The following NYAP2 variants were observed in gnomAD, a reference collection of about 807,000 sequenced individuals.
NYAP2 encodes the protein neuronal tyrosine-phosphorylated phosphoinositide-3-kinase adaptor 2, also known as neuronal tyrosine-phosphorylated phosphoinositide-3-kinase adapter 2.
A neutral mutation model predicts 50.4 loss-of-function variants in NYAP2; 23 were observed. That is an observed-to-expected ratio of 0.46 (90% CI 0.33 to 0.65). NYAP2 has a LOEUF of 0.65. Ranked by LOEUF, NYAP2 falls within the 30% of genes least tolerant of loss-of-function variation. The pLI is 0.02. For synonymous variants in NYAP2, 394 were observed against 365.2 expected (o/e 1.08, Z -0.90); for missense variants, 885 against 861.0 (o/e 1.03, Z -0.35).
At chr2:225,510,558 G>A (rs1368757633) in intron 3 of NYAP2, among the ~76,000 whole-genome samples, 1 of 152,146 alleles carries the variant, frequency 6.6e-6, no homozygotes, top group African/African-American at 2.4e-5. Flanking sequence ...TCTTCAATTT[G>A]TTTTGGGCTA....
At chr2:225,605,299 G>A (rs1310925990) in intron 5 of NYAP2, among the ~76,000 whole-genome samples, 1 of 152,038 alleles carries the variant, frequency 6.6e-6, no homozygotes, top group African/African-American at 2.4e-5. Context: ...GAGTGGAAAA[G>A]CTTGTCTTTC....
At chr2:225,461,712 G>A (rs185102608) in intron 3 of NYAP2, among the ~76,000 whole-genome samples, 1 of 152,204 alleles carries the variant, frequency 6.6e-6, no homozygotes, top group Admixed American at 6.5e-5. Flanking sequence ...ATTCTCCATG[G>A]ATTGGAGATA....
chr2:225,424,598 T>C (rs1405166265), intron 3 of NYAP2, among the ~76,000 whole-genome samples: 1 of 152,088 alleles, frequency 6.6e-6, no homozygotes, highest in African/African-American at 2.4e-5. Context: ...TGCATTTACC[T>C]ATATTTACCC....
chr2:225,681,830 TCACAG>T, the NYAP2 span, among the ~76,000 whole-genome samples: 6 of 152,164 alleles, frequency 3.9e-5, no homozygotes, highest in Non-Finnish European at 8.8e-5. Flanking sequence ...TGTTTCTTAT[TCACAG>T]AGCCTCAGTT....
At chr2:225,514,048 AG>A (rs1412366065) in intron 4 of NYAP2, among the ~76,000 whole-genome samples, 8 of 152,220 alleles carry the variant, frequency 5.3e-5, no homozygotes, top group African/African-American at 1.7e-4. Context: ...ATCAAGAAAA[AG>A]CTTATAATCA....
intron 3 of NYAP2, among the ~76,000 whole-genome samples, chr2:225,503,005 G>A (rs1038171617): frequency 6.6e-6 from 1 of 152,084 alleles, no homozygotes; most frequent in African/African-American, 2.4e-5. Flanking sequence ...AGCTAAACCA[G>A]TTATTATACT....
chr2:225,672,503 A>G, the NYAP2 span, among the ~76,000 whole-genome samples: 1 of 152,190 alleles, frequency 6.6e-6, no homozygotes, highest in African/African-American at 2.4e-5. Context: ...CCATATCAGC[A>G]AGAAGGCTGT....
At chr2:225,538,698 T>C (rs2106201829) in intron 4 of NYAP2, among the ~76,000 whole-genome samples, 1 of 152,362 alleles carries the variant, frequency 6.6e-6, no homozygotes, top group Admixed American at 6.5e-5. Flanking sequence ...ATTGGCCTCC[T>C]TGTTACTTAT....
chr2:225,585,656 C>T (rs10168306), intron 5 of NYAP2, among the ~76,000 whole-genome samples: 145,153 of 152,296 alleles, frequency 0.95, 69,272 homozygotes, highest in Middle Eastern at 0.99. Context: ...TTTTACTTTA[C>T]GTAAATGGAA....
chr2:225,425,882 T>C lies in NYAP2; in HGVS notation c.221+16781T>C, dbSNP rs1473409859. Among the ~76,000 whole-genome samples, 8 of 152,136 alleles carry C rather than the reference T, an allele frequency of 5.3e-5. No homozygotes were observed. The South Asian group carries it at 1.4e-3, about 28-fold the overall frequency. ...CATACATGTCATATAAGTGTATTAT[T>C]TTCAGTTTGATGACTGGATTGTGAA... On this transcript the variant is annotated intron_variant, in intron 3 of 6. Transcript: ENST00000636099.
chr2:225,437,928 CA>C (rs903044359), intron 3 of NYAP2, among the ~76,000 whole-genome samples: 7 of 152,186 alleles, frequency 4.6e-5, no homozygotes, highest in African/African-American at 1.4e-4. Context: ...CAGACCAGAT[CA>C]TGATAAAGCT....
chr2:225,620,712 G>A (rs1693084139), intron 5 of NYAP2, among the ~76,000 whole-genome samples: 1 of 151,900 alleles, frequency 6.6e-6, no homozygotes, highest in African/African-American at 2.4e-5. Flanking sequence ...CTAACCTCTG[G>A]GACTTGAAAA....
At chr2:225,462,629 C>T (rs1689850852) in intron 3 of NYAP2, among the ~76,000 whole-genome samples, 1 of 152,162 alleles carries the variant, frequency 6.6e-6, no homozygotes, top group Non-Finnish European at 1.5e-5. Flanking sequence ...CCAGGAAATG[C>T]AATTCCCCAT....
chr2:225,658,537 G>T (rs996446909), downstream of NYAP2, among the ~76,000 whole-genome samples: 12 of 152,216 alleles, frequency 7.9e-5, no homozygotes, highest in Non-Finnish European at 1.6e-4. Context: ...AAATAAGAAT[G>T]TCAGTGGCTA....
intron 5 of NYAP2, among the ~76,000 whole-genome samples, chr2:225,622,553 CTTTCTTTTTCT>C (rs767357716): frequency 2.5e-5 from 1 of 40,756 alleles, no homozygotes; most frequent in Non-Finnish European, 4.9e-5. Context: ...TTCTTTCTTT[CTTTCTTTTTCT>C]TTCTTTCTTT....
chr2:225,474,995 T>C (rs978292677), intron 3 of NYAP2, among the ~76,000 whole-genome samples: 4 of 152,192 alleles, frequency 2.6e-5, no homozygotes, highest in African/African-American at 9.6e-5. Flanking sequence ...TTTGTTTGCA[T>C]AACACTCCAG....
At chr2:225,409,703 T>C (rs151037622) in intron 3 of NYAP2, among the ~76,000 whole-genome samples, 331 of 152,202 alleles carry the variant, frequency 2.2e-3, no homozygotes, top group African/African-American at 7.5e-3. Flanking sequence ...GAGCCCCAGA[T>C]GGTGGCCTTC....
chr2:225,441,244 G>A (rs945294612), intron 3 of NYAP2, among the ~76,000 whole-genome samples: 1 of 152,158 alleles, frequency 6.6e-6, no homozygotes, highest in African/African-American at 2.4e-5. Context: ...AAACTTGCAT[G>A]TATTCTGCAT....
chr2:225,545,395 C>A (rs1232684351), intron 4 of NYAP2, among the ~76,000 whole-genome samples: 1 of 151,852 alleles, frequency 6.6e-6, no homozygotes, highest in African/African-American at 2.4e-5. Context: ...TATTTTGTCT[C>A]CTCTGACCAT....
Sources: allele counts gnomAD v4.1 joint callset (sites outside exome capture counted in the v4.1 genomes callset), GRCh38; gene constraint gnomAD v4.1.1; transcripts MANE v1.5; gene names NCBI Gene and HGNC (gene_info 2026-07-23, HGNC 2026-07-21).